SYNRG: variants seen among roughly 807,000 people sequenced by gnomAD.
The protein encoded by SYNRG is synergin gamma.
A neutral mutation model predicts 130.9 loss-of-function variants in SYNRG; 37 were observed. That is an observed-to-expected ratio of 0.28 (90% CI 0.22 to 0.37). The LOEUF is 0.37. Among genes scored for constraint, SYNRG ranks in the 10% least tolerant of loss-of-function variants. SYNRG has a pLI of 1.00. For synonymous variants in SYNRG, 539 were observed against 568.1 expected (o/e 0.95, Z 0.73); for missense variants, 1,338 against 1,588.9 (o/e 0.84, Z 2.68).
At chr17:37,586,050 G>A (rs769097807) in intron 4 of SYNRG, among the ~76,000 whole-genome samples, 15 of 152,134 alleles carry the variant, frequency 9.9e-5, no homozygotes, top group Non-Finnish European at 1.9e-4. Context: ...CTGGAGTACC[G>A]TGGCATGATC....
rs766987614 is a variant in SYNRG, at chr17:37,520,549, A to G, written c.3766T>C (p.Ser1256Pro). 1.2e-6 allele frequency: 2 copies of G among 1,614,170 alleles called. No individual in the cohort carries two copies. The highest frequency in any genetic ancestry group is 2.2e-5 in the South Asian group (2 of 91,082). The change falls in exon 20 of 22, where the codon TCG becomes CCG. Residue 1256 changes from serine (S) to proline (P), a missense_variant. Ser to Pro is a moderately conservative substitution (Grantham distance 74). Coordinates refer to ENST00000612223, the MANE Select transcript of SYNRG (RefSeq NM_007247.6). Reference protein sequence around the residue: ...ACGVCLLNVDSRSRKEEKPAE... With the variant: ...ACGVCLLNVDPRSRKEEKPAE... ...GCTGCGTGACTTACCCGGCTCCTCG[A>G]GTCCACATTCAAGAGGCACACTCCA... is the stretch of plus-strand genomic sequence containing the variant.
intron 3 of SYNRG, 104 bp from the exon 4 acceptor site, chr17:37,586,653 A>C: frequency 7.6e-7 from 1 of 1,308,600 alleles, no homozygotes; most frequent in South Asian, 1.5e-5. Context: ...CTTATTTGTA[A>C]AAAATAGAAA....
At chr17:37,520,424 T>G (rs1051350522) in intron 20 of SYNRG, 114 bp downstream of exon 20, 2 of 1,181,726 alleles carry the variant, frequency 1.7e-6, no homozygotes, top group Non-Finnish European at 2.5e-6. Flanking sequence ...TTTTAGGACT[T>G]GAGAAAATCC....
chr17:37,594,008 G>C (rs536714594), intron 3 of SYNRG, among the ~76,000 whole-genome samples: 86 of 151,920 alleles, frequency 5.7e-4, no homozygotes, highest in Admixed American at 3.5e-3. Flanking sequence ...CTGATATTCA[G>C]GGACATTATT....
At chr17:37,566,690 A>T (rs545659312) in intron 11 of SYNRG, among the ~76,000 whole-genome samples, 1 of 152,188 alleles carries the variant, frequency 6.6e-6, no homozygotes, top group African/African-American at 2.4e-5. Context: ...ACATGGAGAT[A>T]ATGCCACACA....
Position 37,542,265 on chromosome 17 carries a change from G to A in SYNRG, c.2909C>T (p.Thr970Met), listed in dbSNP as rs375895919. Residue 970 changes from threonine (T) to methionine (M), a missense_variant, in exon 15 of 22, where the codon ACG (threonine) becomes ATG (methionine). Coordinates refer to ENST00000612223, the MANE Select transcript of SYNRG (RefSeq NM_007247.6). The stretch of plus-strand genomic sequence containing the variant: ...CTTTTGCTCACTGGTCTGAGGAATC[G>A]TGTCTTTAAAACTGGCAAGAGCTGG... ...TFPALASFKD[T>M]IPQTSEQKEY... 27 of 1,614,054 alleles carry A rather than the reference G, an allele frequency of 1.7e-5. No homozygotes were observed. The highest frequency in any genetic ancestry group is 8.0e-5 in the African/African-American group (6 of 74,902).
At chr17:37,567,477 A>C (rs1448262626) in intron 11 of SYNRG, 2 of 152,176 alleles carry the variant, frequency 1.3e-5, no homozygotes, top group African/African-American at 2.4e-5. Flanking sequence ...AGTACATATA[A>C]ATTTTGTTTG....
At chr17:37,538,207 A>G in intron 18 of SYNRG, 117 bp downstream of exon 18, 1 of 724,492 alleles carries the variant, frequency 1.4e-6, no homozygotes, top group Non-Finnish European at 2.3e-6. Context: ...ACAAATACAG[A>G]TGCTTCTTAC....
intron 3 of SYNRG, among the ~76,000 whole-genome samples, chr17:37,587,539 C>T (rs964617775): frequency 6.6e-6 from 1 of 152,198 alleles, no homozygotes; most frequent in Admixed American, 6.5e-5. Flanking sequence ...TTTCTCTTCT[C>T]TCTACCTTCA....
intron 13 of SYNRG, 42 bp from the exon 14 acceptor site, chr17:37,554,101 T>G (rs2058917885): frequency 1.3e-6 from 2 of 1,556,574 alleles, no homozygotes; most frequent in Non-Finnish European, 8.7e-7. Context: ...AATGCTGAAC[T>G]GAAAACCATA....
intron 3 of SYNRG, among the ~76,000 whole-genome samples, chr17:37,592,617 G>A (rs187003128): frequency 6.6e-6 from 1 of 152,292 alleles, no homozygotes; most frequent in African/African-American, 2.4e-5. Flanking sequence ...ACTGATACAT[G>A]CAACAATTTG....
intron 6 of SYNRG, chr17:37,579,113 TA>T: frequency 8.9e-7 from 1 of 1,121,644 alleles, no homozygotes; most frequent in Non-Finnish European, 1.1e-6. Flanking sequence ...ATATTTTCAT[TA>T]ATAATGCTAA....
intron 5 of SYNRG, among the ~76,000 whole-genome samples, 159 bp from the exon 6 acceptor site, chr17:37,584,918 A>G (rs543891579): frequency 6.6e-6 from 1 of 152,230 alleles, no homozygotes; most frequent in Non-Finnish European, 1.5e-5. Context: ...TTGGTAAATG[A>G]TTAAACAATG....
chr17:37,522,697 G>A (rs1207694391), intron 19 of SYNRG, among the ~76,000 whole-genome samples: 2 of 147,342 alleles, frequency 1.4e-5, no homozygotes, highest in African/African-American at 2.5e-5. Flanking sequence ...CTGGAGTGCA[G>A]TGGCGCAATC....
Position 37,540,555 on chromosome 17 carries a change from G to A in SYNRG, c.3203-12C>T, listed in dbSNP as rs762642223. ...CCTCTTGTGTGATCCTGGGAGAAGG[G>A]GATAATACAGTCAAAGGTTTTGGCT... On this transcript the variant is annotated splice_polypyrimidine_tract_variant and intron_variant, in intron 15 of 21. Coordinates refer to ENST00000612223, the MANE Select transcript of SYNRG (RefSeq NM_007247.6). 1 of 1,612,846 alleles carries A rather than the reference G, an allele frequency of 6.2e-7. No individual in the cohort carries two copies.
intron 7 of SYNRG, among the ~76,000 whole-genome samples, chr17:37,576,983 A>G (rs1160701542): frequency 1.3e-5 from 2 of 152,202 alleles, no homozygotes; most frequent in African/African-American, 4.8e-5. Flanking sequence ...GCAGTGGTGC[A>G]TATGATTTAT....
intron 18 of SYNRG, 174 bp from the exon 19 acceptor site, chr17:37,536,301 T>G (rs2057188783): frequency 1.3e-6 from 1 of 763,208 alleles, no homozygotes; most frequent in Non-Finnish European, 2.0e-6. Flanking sequence ...TATAGCTTAC[T>G]GGTAAGAGCA....
chr17:37,552,014 G>T (rs1280501164), intron 14 of SYNRG, among the ~76,000 whole-genome samples: 1 of 152,140 alleles, frequency 6.6e-6, no homozygotes, highest in Non-Finnish European at 1.5e-5. Flanking sequence ...TGATTCAGCA[G>T]CCTGTTTAGC....
intron 2 of SYNRG, among the ~76,000 whole-genome samples, chr17:37,599,297 C>T (rs8067203): frequency 0.011 from 1,714 of 152,316 alleles, 23 homozygotes; most frequent in African/African-American, 0.039. Flanking sequence ...GTCCCAGTTG[C>T]ATGGCAGCAT....
Sources: gnomAD v4.1 joint callset for allele counts (sites outside exome capture counted in the v4.1 genomes callset) on GRCh38, gnomAD v4.1.1 for gene constraint, MANE v1.5 for transcripts, NCBI Gene and HGNC (gene_info 2026-07-23, HGNC 2026-07-21) for gene names.